MTSS1: variants seen among roughly 807,000 people sequenced by gnomAD.
The protein encoded by MTSS1 is MTSS I-BAR domain containing 1.
MTSS1 carries 18 observed loss-of-function variants against 79.0 expected under a neutral mutation model. The ratio of observed to expected loss-of-function variants is 0.23; its 90% confidence interval spans 0.16 to 0.34. The LOEUF (loss-of-function observed/expected upper bound fraction) is 0.34, where lower values mean the gene tolerates loss of function less well. MTSS1 is among the 10% of genes least tolerant of loss of function. The pLI is 1.00. For missense variants in MTSS1, 815 were observed against 986.2 expected (o/e 0.83, Z 2.33); for synonymous variants, 341 against 368.6 (o/e 0.93, Z 0.86).
intron 1 of MTSS1, among the ~76,000 whole-genome samples, chr8:124,720,822 C>T (rs1832800933): frequency 2.6e-5 from 4 of 152,234 alleles, no homozygotes; most frequent in African/African-American, 7.2e-5. Flanking sequence ...CTGCTTCTAA[C>T]ATTTGAGTGG....
At chr8:124,684,356 A>C (rs1204913158) in intron 3 of MTSS1, among the ~76,000 whole-genome samples, 8 of 152,256 alleles carry the variant, frequency 5.3e-5, no homozygotes. Flanking sequence ...ACTATGCCTA[A>C]GTAAATTCTA....
At chr8:124,636,264 G>C (rs543594561) in intron 3 of MTSS1, among the ~76,000 whole-genome samples, 1 of 152,130 alleles carries the variant, frequency 6.6e-6, no homozygotes, top group Non-Finnish European at 1.5e-5. Flanking sequence ...GGAGTAGCTC[G>C]GACTACACTT....
At position 124,727,613 on chromosome 8, in the gene MTSS1, G is replaced by A. The variant is rs1447811460; in HGVS notation, c.72+271C>T. 1.6e-6 allele frequency: 1 copy of A among 619,784 alleles called. No homozygotes were observed. Among genetic ancestry groups the A allele is most frequent in the South Asian group, 1.5e-5 (1 of 66,046 alleles). The allele number at this position is 619,784 out of a possible 1,614,324, so 38.4% of individuals were successfully genotyped here. On this transcript the variant is annotated intron_variant, in intron 1 of 13. Coordinates refer to ENST00000518547, the MANE Select transcript of MTSS1 (RefSeq NM_014751.6). This position sits in a 1 kb window ranked among gnomAD's most constrained non-coding sequence, Gnocchi z 4.7. ...CAGCCAGTGCCTTGAGCCCCCGAGGGAAAGAAATGGTGCCGCCCCCTGGGA... is the reference window on the plus strand; with the variant it reads ...CAGCCAGTGCCTTGAGCCCCCGAGGAAAAGAAATGGTGCCGCCCCCTGGGA...
intron 3 of MTSS1, among the ~76,000 whole-genome samples, chr8:124,687,396 C>A (rs964393562): frequency 6.6e-6 from 1 of 152,118 alleles, no homozygotes; most frequent in African/African-American, 2.4e-5. Flanking sequence ...GGGCTTAAAT[C>A]GTATTATCCA....
chr8:124,585,196 C>T (rs1470410543), intron 5 of MTSS1, 35 bp from the exon 6 acceptor site: 6 of 1,511,532 alleles, frequency 4.0e-6, no homozygotes, highest in Non-Finnish European at 5.5e-6. Flanking sequence ...AATTTTACCA[C>T]TTTGCTTAAC....
intron 12 of MTSS1, 140 bp from the exon 13 acceptor site, chr8:124,556,044 A>G: frequency 6.5e-7 from 1 of 1,540,852 alleles, no homozygotes; most frequent in Non-Finnish European, 8.7e-7. Flanking sequence ...GACCCTAGAA[A>G]GTTCTGCCTC....
At chr8:124,663,276 GAC>G (rs1822435727) in intron 3 of MTSS1, among the ~76,000 whole-genome samples, 1 of 152,160 alleles carries the variant, frequency 6.6e-6, no homozygotes, top group African/African-American at 2.4e-5. Context: ...CAGACTGACA[GAC>G]ACACACGTCC....
At chr8:124,636,987 T>C (rs2133917717) in intron 3 of MTSS1, among the ~76,000 whole-genome samples, 1 of 152,358 alleles carries the variant, frequency 6.6e-6, no homozygotes, top group East Asian at 1.9e-4. Flanking sequence ...CTGGCATCCA[T>C]AAAGATGGCT....
At chr8:124,673,216 C>T (rs1424378336) in intron 3 of MTSS1, 3 of 152,086 alleles carry the variant, frequency 2.0e-5, no homozygotes, top group African/African-American at 7.2e-5. Flanking sequence ...AAATGTCCCT[C>T]TCAGAGAAAA....
At position 124,727,520 on chromosome 8, in the gene MTSS1, T is replaced by A; in HGVS notation, c.72+364A>T. Reference sequence around the variant, plus strand: ...ACCCCGTGCCCGGAGGAATCAGGTGTCCTCCCGGGCATCCAGCCCCCGCGG... The same window carrying A: ...ACCCCGTGCCCGGAGGAATCAGGTGACCTCCCGGGCATCCAGCCCCCGCGG... On this transcript the variant is annotated intron_variant, in intron 1 of 13. Coordinates refer to ENST00000518547, the MANE Select transcript of MTSS1 (RefSeq NM_014751.6). The surrounding 1 kb of genome is among the most constrained non-coding windows in gnomAD (Gnocchi z 4.7). The A allele has an allele frequency of 2.1e-6, 1 of 468,534 alleles. No homozygotes were observed. The highest frequency in any genetic ancestry group is 4.2e-6 in the Non-Finnish European group (1 of 235,986). The allele number at this position is 468,534 out of a possible 1,614,324, so 29.0% of individuals were successfully genotyped here.
At chr8:124,652,543 A>G (rs1338413622) in intron 3 of MTSS1, among the ~76,000 whole-genome samples, 1 of 152,076 alleles carries the variant, frequency 6.6e-6, no homozygotes, top group Non-Finnish European at 1.5e-5. Flanking sequence ...TGAGTCGTTT[A>G]AAAATTTCTA....
intron 3 of MTSS1, among the ~76,000 whole-genome samples, chr8:124,691,806 G>T (rs541708672): frequency 6.6e-6 from 1 of 152,070 alleles, no homozygotes; most frequent in Non-Finnish European, 1.5e-5. Context: ...GTGAGCCACC[G>T]CATCCGGCTG....
chr8:124,670,801 G>T (rs6470258), intron 3 of MTSS1, among the ~76,000 whole-genome samples: 2 of 151,932 alleles, frequency 1.3e-5, no homozygotes. Flanking sequence ...AAGAGGAAAA[G>T]TCCAGAGACC....
chr8:124,656,045 G>T (rs1820873720), intron 3 of MTSS1, among the ~76,000 whole-genome samples: 1 of 152,112 alleles, frequency 6.6e-6, no homozygotes, highest in Admixed American at 6.5e-5. Context: ...ATCAGAAGGA[G>T]AAAAAAACCT....
intron 1 of MTSS1, among the ~76,000 whole-genome samples, chr8:124,720,796 C>G (rs909872527): frequency 6.6e-6 from 1 of 152,202 alleles, no homozygotes; most frequent in African/African-American, 2.4e-5. Flanking sequence ...CCCAAATCTA[C>G]AAGACAGAAT....
chr8:124,692,823 T>C (rs1433433743), intron 3 of MTSS1, among the ~76,000 whole-genome samples: 1 of 152,114 alleles, frequency 6.6e-6, no homozygotes, highest in Non-Finnish European at 1.5e-5. Flanking sequence ...TGGAAGCTAC[T>C]GTTTGCACGC....
chr8:124,563,248 C>T (rs955995921), intron 9 of MTSS1: 14 of 500,884 alleles, frequency 2.8e-5, no homozygotes, highest in East Asian at 3.8e-5. Context: ...CTCAGGTCTC[C>T]GATGGTAACC....
chr8:124,668,534 C>A (rs1823546770), intron 3 of MTSS1, among the ~76,000 whole-genome samples: 1 of 152,166 alleles, frequency 6.6e-6, no homozygotes, highest in South Asian at 2.1e-4. Context: ...TCCCAGTAGC[C>A]CCTTTGTGTC....
intron 2 of MTSS1, 76 bp downstream of exon 2, chr8:124,704,054 T>G (rs1490167711): frequency 7.6e-7 from 1 of 1,320,808 alleles, no homozygotes; most frequent in African/African-American, 1.4e-5. Context: ...CTAATCAATC[T>G]GCATTTTGGT....
Sources: gnomAD v4.1 joint callset for allele counts (sites outside exome capture counted in the v4.1 genomes callset) on GRCh38, gnomAD v4.1.1 for gene constraint, Gnocchi (gnomAD v3.1) non-coding constraint, MANE v1.5 for transcripts, NCBI Gene and HGNC (gene_info 2026-07-23, HGNC 2026-07-21) for gene names.